SPHKAP: variants seen among roughly 807,000 people sequenced by gnomAD.
SPHKAP encodes the protein A-kinase anchor protein SPHKAP.
Under a neutral mutation model 137.5 loss-of-function variants are expected in SPHKAP, and 67 were observed. That is an observed-to-expected ratio of 0.49 (90% CI 0.40 to 0.60). The LOEUF (loss-of-function observed/expected upper bound fraction) is 0.60, where lower values mean the gene tolerates loss of function less well. SPHKAP is among the 20% of genes least tolerant of loss of function. The pLI is 0.00. For synonymous variants in SPHKAP, 813 were observed against 785.3 expected (o/e 1.04, Z -0.59); for missense variants, 2,097 against 2,069.3 (o/e 1.01, Z -0.26).
chr2:228,178,483 A>G (rs1700801785), intron 1 of SPHKAP, among the ~76,000 whole-genome samples: 1 of 152,166 alleles, frequency 6.6e-6, no homozygotes, highest in Non-Finnish European at 1.5e-5. Flanking sequence ...GTAAGTGGAA[A>G]CTACTGCATT....
intron 1 of SPHKAP, among the ~76,000 whole-genome samples, chr2:228,151,506 G>T (rs1037010638): frequency 2.0e-5 from 3 of 152,112 alleles, no homozygotes; most frequent in Non-Finnish European, 4.4e-5. Context: ...AGGAATCACC[G>T]CACTGACTTC....
At chr2:228,031,102 A>C (rs774414221) in intron 3 of SPHKAP, among the ~76,000 whole-genome samples, 4 of 152,214 alleles carry the variant, frequency 2.6e-5, no homozygotes, top group Non-Finnish European at 4.4e-5. Context: ...GGGGTCAGGG[A>C]GTTCCCTTTC....
chr2:228,072,991 T>C (rs908399998), intron 3 of SPHKAP, among the ~76,000 whole-genome samples: 5 of 152,230 alleles, frequency 3.3e-5, no homozygotes, highest in Non-Finnish European at 7.3e-5. Flanking sequence ...ATGCACAAAC[T>C]GTGTGAGCAT....
chr2:228,165,422 G>A (rs1700395711), intron 1 of SPHKAP, among the ~76,000 whole-genome samples: 1 of 152,130 alleles, frequency 6.6e-6, no homozygotes, highest in Admixed American at 6.6e-5. Context: ...ACACCGTTTG[G>A]TGCCTTTCAT....
intron 7 of SPHKAP, 191 bp from the exon 8 acceptor site, chr2:227,995,885 C>A: frequency 2.1e-6 from 2 of 961,512 alleles, no homozygotes; most frequent in Non-Finnish European, 2.5e-6. Context: ...CATCAGCCAG[C>A]TTTTCCATCT....
chr2:227,997,631 C>T (rs1284694587), intron 7 of SPHKAP, among the ~76,000 whole-genome samples: 1 of 152,060 alleles, frequency 6.6e-6, no homozygotes, highest in Admixed American at 6.5e-5. Flanking sequence ...TCTCACTACC[C>T]CTCAAGCCTC....
chr2:228,055,142 CA>C (rs58091970), intron 3 of SPHKAP, among the ~76,000 whole-genome samples: 4 of 61,308 alleles, frequency 6.5e-5, no homozygotes, highest in Non-Finnish European at 1.0e-4. Flanking sequence ...AACTCCACTC[CA>C]AAAAAAAAAA....
At chr2:228,104,449 G>A (rs1165311500) in intron 3 of SPHKAP, among the ~76,000 whole-genome samples, 1 of 149,614 alleles carries the variant, frequency 6.7e-6, no homozygotes, top group Non-Finnish European at 1.5e-5. Flanking sequence ...GATCACGTGA[G>A]TCTAGATTCT....
At chr2:227,997,976 T>A (rs1050335463) in intron 7 of SPHKAP, among the ~76,000 whole-genome samples, 5 of 152,202 alleles carry the variant, frequency 3.3e-5, no homozygotes, top group Admixed American at 2.0e-4. Context: ...ATCTGAGATG[T>A]GGCACTACTT....
chr2:228,151,083 C>T (rs62201114), intron 1 of SPHKAP, among the ~76,000 whole-genome samples: 18,574 of 139,646 alleles, frequency 0.13, 1,475 homozygotes, highest in Non-Finnish European at 0.14. Context: ...TCCCTCCCCG[C>T]TCCCCCCACC....
intron 7 of SPHKAP, among the ~76,000 whole-genome samples, chr2:227,998,942 C>T (rs930152159): frequency 4.6e-5 from 7 of 152,168 alleles, no homozygotes; most frequent in African/African-American, 1.7e-4. Context: ...AGACAGGTGG[C>T]CTCTTTCATT....
At chr2:228,059,892 G>A (rs187355424) in intron 3 of SPHKAP, among the ~76,000 whole-genome samples, 26 of 152,212 alleles carry the variant, frequency 1.7e-4, no homozygotes, top group Admixed American at 6.5e-4. Flanking sequence ...AATTTATCGC[G>A]CTCTATGCTA....
intron 7 of SPHKAP, among the ~76,000 whole-genome samples, chr2:228,011,908 G>C (rs1006005925): frequency 9.9e-5 from 15 of 152,060 alleles, no homozygotes; most frequent in Non-Finnish European, 1.6e-4. Context: ...GCTCACACCT[G>C]TACTACCAGC....
chr2:228,175,816 A>T (rs1438812572), intron 1 of SPHKAP, among the ~76,000 whole-genome samples: 3 of 152,194 alleles, frequency 2.0e-5, no homozygotes, highest in Non-Finnish European at 1.5e-5. Context: ...AGATTTTTTT[A>T]AAAAGATAGA....
At position 228,012,822 on chromosome 2, in the gene SPHKAP, G is replaced by A. The variant is rs530698287; in HGVS notation, c.4448+3584C>T. On this transcript the variant is annotated intron_variant, in intron 7 of 11. Transcript: ENST00000392056. ...AGTAAGTATAGCATGTGAATGCTCAGAATTGTCAGTTTGTTGTTTATACTT... is the reference window on the plus strand; with the variant it reads ...AGTAAGTATAGCATGTGAATGCTCAAAATTGTCAGTTTGTTGTTTATACTT... Among the ~76,000 whole-genome samples the A allele has an allele frequency of 1.2e-3, 176 of 152,314 alleles. 1 individual carries two copies. Among genetic ancestry groups the A allele is most frequent in the African/African-American group, 4.0e-3 (168 of 41,568 alleles).
rs767295641 is a variant in SPHKAP at position 227,993,596 on chromosome 2, G to A, written c.4659C>T (p.Ser1553=). ...TGTCCAGATCCATAATGCCAAGACT[G>A]CTAGTGGCACTACTGTTGCCATTGC... is the stretch of plus-strand genomic sequence containing the variant. ...SMSNGNSSAT[S]SLGIMDLDIY... is the part of the protein sequence containing the mutation. The change falls in exon 9 of 12, where the codon AGC becomes AGT. Residue 1553 remains serine (S), a synonymous_variant. Coordinates refer to ENST00000392056, the MANE Select transcript of SPHKAP (RefSeq NM_001142644.2). 6.2e-7 allele frequency: 1 copy of A among 1,600,396 alleles called. No individual in the cohort carries two copies. The highest frequency in any genetic ancestry group is 8.5e-7 in the Non-Finnish European group (1 of 1,173,290).
intron 1 of SPHKAP, among the ~76,000 whole-genome samples, chr2:228,178,741 C>T: frequency 6.6e-6 from 1 of 151,820 alleles, no homozygotes; most frequent in East Asian, 1.9e-4. Context: ...AACATTTAAT[C>T]TCTGCACAGC....
In SPHKAP at chr2:228,020,034, T is replaced by C. The variant is rs72973340; in HGVS notation, c.820A>G (p.Asn274Asp). 4.8e-5 allele frequency: 78 copies of C among 1,614,252 alleles called. No homozygotes were observed. Among genetic ancestry groups the C allele is most frequent in the Non-Finnish European group, 6.2e-5 (73 of 1,180,042 alleles). Reference sequence around the variant, plus strand: ...TTAATCAATGGTGTGGGATATTTGTTGATGTATTTGTCTTCCAAAGCATAA... The same window carrying C: ...TTAATCAATGGTGTGGGATATTTGTCGATGTATTTGTCTTCCAAAGCATAA... Reference protein sequence around the residue: ...WLYALEDKYINKYPTPLIKTE... With the variant: ...WLYALEDKYIDKYPTPLIKTE... The change falls in exon 7 of 12, where the codon AAC becomes GAC. Residue 274 changes from asparagine (N) to aspartate (D), a missense_variant. By Grantham distance (23) the Asn-to-Asp change is conservative (BLOSUM62 1). Coordinates refer to ENST00000392056, the MANE Select transcript of SPHKAP (RefSeq NM_001142644.2).
At chr2:228,031,977 C>G (rs1156479282) in intron 3 of SPHKAP, among the ~76,000 whole-genome samples, 1 of 152,178 alleles carries the variant, frequency 6.6e-6, no homozygotes, top group Non-Finnish European at 1.5e-5. Context: ...CAGAGCGCCT[C>G]TCCTCCTCCA....
Sources: gnomAD v4.1 joint callset for allele counts (sites outside exome capture counted in the v4.1 genomes callset) on GRCh38, gnomAD v4.1.1 for gene constraint, MANE v1.5 for transcripts, NCBI Gene and HGNC (gene_info 2026-07-23, HGNC 2026-07-21) for gene names.